Variants in SLC14A2 observed in about 807,000 individuals in gnomAD.
The protein encoded by SLC14A2 is solute carrier family 14 member 2, also known as urea transporter 2.
In SLC14A2, 91 loss-of-function variants were observed where a neutral mutation model predicts 104.6. The ratio of observed to expected loss-of-function variants is 0.87; its 90% CI spans 0.73 to 1.04. The LOEUF is 1.04. SLC14A2 is among the 50% of genes least tolerant of loss of function. The pLI is 0.00. For synonymous variants in SLC14A2, 476 were observed against 466.4 expected, an observed-to-expected ratio of 1.02 and a Z score of -0.27; for missense variants, 1,189 against 1,156.0, an observed-to-expected ratio of 1.03 and a Z score of -0.41.
At chr18:45,609,565 C>T (rs932318881) in intron 2 of SLC14A2, among the ~76,000 whole-genome samples, 1 of 152,186 alleles carries the variant, frequency 6.6e-6, no homozygotes, top group African/African-American at 2.4e-5. Flanking sequence ...GAGGGTACCA[C>T]AATTAAAGCC....
chr18:45,451,075 G>T (rs2086849921), intron 1 of SLC14A2, among the ~76,000 whole-genome samples: 1 of 152,174 alleles, frequency 6.6e-6, no homozygotes, highest in Non-Finnish European at 1.5e-5. Context: ...TGAAGTTTTG[G>T]CCTGCCATAT....
At chr18:45,180,709 A>G in the SLC14A2 span, among the ~76,000 whole-genome samples, 85 of 152,318 alleles carry the variant, frequency 5.6e-4, no homozygotes, top group African/African-American at 2.0e-3. Flanking sequence ...ATTCCATTCC[A>G]TGTTTTTCTT....
At chr18:45,468,319 C>A (rs527925223) in intron 1 of SLC14A2, among the ~76,000 whole-genome samples, 1 of 152,098 alleles carries the variant, frequency 6.6e-6, no homozygotes, top group South Asian at 2.1e-4. Context: ...AGTATCTTCA[C>A]TGGGAGGGAG....
intron 1 of SLC14A2, among the ~76,000 whole-genome samples, chr18:45,233,754 C>T (rs1185427312): frequency 1.4e-5 from 2 of 143,854 alleles, no homozygotes; most frequent in East Asian, 4.2e-4. Context: ...CCGCCCCACC[C>T]CCCGCTTCCC....
chr18:45,288,357 G>A (rs956225725), intron 1 of SLC14A2, among the ~76,000 whole-genome samples: 5 of 152,290 alleles, frequency 3.3e-5, no homozygotes, highest in African/African-American at 9.6e-5. Context: ...AGACTCATGA[G>A]CAAACAAATG....
At chr18:45,206,219 T>C in the SLC14A2 span, among the ~76,000 whole-genome samples, 6 of 152,344 alleles carry the variant, frequency 3.9e-5, no homozygotes, top group Middle Eastern at 3.4e-3. Flanking sequence ...ATGTAGCCCC[T>C]GTAGCTCAGT....
intron 1 of SLC14A2, among the ~76,000 whole-genome samples, chr18:45,233,258 C>T (rs2084192796): frequency 6.6e-6 from 1 of 152,184 alleles, no homozygotes; most frequent in South Asian, 2.1e-4. Flanking sequence ...GGAGATTTCA[C>T]AAGTTGACCT....
At chr18:45,570,277 ATCTGATACGT>A (rs2044326274) in intron 2 of SLC14A2, among the ~76,000 whole-genome samples, 1 of 152,110 alleles carries the variant, frequency 6.6e-6, no homozygotes, top group Admixed American at 6.5e-5. Flanking sequence ...ATTCTATGAC[ATCTGATACGT>A]TCTTTAAGAC....
At chr18:45,331,863 G>A (rs920829727) in intron 1 of SLC14A2, among the ~76,000 whole-genome samples, 8 of 152,022 alleles carry the variant, frequency 5.3e-5, no homozygotes, top group Non-Finnish European at 7.4e-5. Context: ...AATATTCCAG[G>A]AAAACAAATA....
At chr18:45,657,843 A>T (rs1188436100) in intron 10 of SLC14A2, among the ~76,000 whole-genome samples, 1 of 152,210 alleles carries the variant, frequency 6.6e-6, no homozygotes, top group Non-Finnish European at 1.5e-5. Flanking sequence ...ATGATCTTTG[A>T]AAATTTCAAC....
At chr18:45,206,987 A>G in the SLC14A2 span, among the ~76,000 whole-genome samples, 7 of 152,194 alleles carry the variant, frequency 4.6e-5, no homozygotes, top group Non-Finnish European at 1.0e-4. Flanking sequence ...AGGACATGGA[A>G]TGCCTGGGAA....
At chr18:45,672,115 T>C (rs1182058204) in intron 16 of SLC14A2, among the ~76,000 whole-genome samples, 1 of 152,212 alleles carries the variant, frequency 6.6e-6, no homozygotes, top group African/African-American at 2.4e-5. Context: ...CTGTAGATAC[T>C]AGTCGAGTTC....
chr18:45,429,183 A>T (rs74769127), intron 1 of SLC14A2, among the ~76,000 whole-genome samples: 193 of 152,360 alleles, frequency 1.3e-3, no homozygotes, highest in Non-Finnish European at 2.1e-3. Flanking sequence ...ACAATATATT[A>T]TTAAATTTTA....
At chr18:45,214,807 CACT>C (rs1389712655) in intron 1 of SLC14A2, among the ~76,000 whole-genome samples, 2 of 150,590 alleles carry the variant, frequency 1.3e-5, no homozygotes, top group East Asian at 3.9e-4. Flanking sequence ...ATTTATTGAA[CACT>C]TACGGTCTGT....
intron 2 of SLC14A2, among the ~76,000 whole-genome samples, chr18:45,570,882 G>GTCTT (rs1255074784): frequency 1.3e-5 from 2 of 152,148 alleles, no homozygotes; most frequent in Non-Finnish European, 2.9e-5. Context: ...TAAAACTAGG[G>GTCTT]TCTTTTTTAT....
At chr18:45,413,328 T>G (rs2086235104) in intron 1 of SLC14A2, among the ~76,000 whole-genome samples, 1 of 152,148 alleles carries the variant, frequency 6.6e-6, no homozygotes, top group Admixed American at 6.5e-5. Context: ...CTTTTTTTCT[T>G]TTAAGCAATA....
chr18:45,538,511 T>C (rs1176347166), intron 2 of SLC14A2, among the ~76,000 whole-genome samples: 1 of 152,244 alleles, frequency 6.6e-6, no homozygotes, highest in Non-Finnish European at 1.5e-5. Context: ...CCTCAGTTCC[T>C]GACTGGCTGC....
Position 45,475,658 on chromosome 18 carries a change from T to TATATATATATATTTAGG in SLC14A2, c.-124-7563_-124-7562insTTAGGATATATATATAT, listed in dbSNP as rs1568228001. 2.0e-3 allele frequency among the ~76,000 whole-genome samples: 177 copies of TATATATATATATTTAGG among 89,906 alleles called. 1 individual carries two copies. Among genetic ancestry groups the TATATATATATATTTAGG allele is most frequent in the African/African-American group, 0.01 (172 of 16,844 alleles). The allele number at this position is 89,906 out of a possible 152,430, so 59.0% of individuals were successfully genotyped here. A position where few individuals can be genotyped will look rare whatever the true frequency, so the allele number is the denominator to read the frequency against. On this transcript the variant is annotated intron_variant, in intron 1 of 20. Coordinates refer to the SLC14A2 transcript ENST00000586448. ...TATATTTAGGATATATATATATATA[T>TATATATATATATTTAGG]ATATATATATATATATATATATATA... is the stretch of plus-strand genomic sequence containing the variant.
chr18:45,493,218 C>T (rs961916359), intron 2 of SLC14A2: 4 of 152,180 alleles, frequency 2.6e-5, no homozygotes, highest in African/African-American at 9.7e-5. Context: ...GAAGACAGAC[C>T]TTACACCATC....
Sources: gnomAD v4.1 joint callset for allele counts (sites outside exome capture counted in the v4.1 genomes callset) on GRCh38, gnomAD v4.1.1 for gene constraint, MANE v1.5 for transcripts, NCBI Gene and HGNC (gene_info 2026-07-23, HGNC 2026-07-21) for gene names.